The following ST6GALNAC3 variants were observed in gnomAD, a reference collection of about 807,000 sequenced individuals.
ST6GALNAC3 encodes ST6 N-acetylgalactosaminide alpha-2,6-sialyltransferase 3.
ST6GALNAC3 carries 25 observed loss-of-function variants against 32.7 expected under a neutral mutation model. The ratio of observed to expected loss-of-function variants is 0.76; its 90% confidence interval spans 0.56 to 1.07. The LOEUF (loss-of-function observed/expected upper bound fraction) is 1.07. Ranked by LOEUF, ST6GALNAC3 falls within the 50% of genes least tolerant of loss-of-function variation. The pLI, the probability that ST6GALNAC3 is intolerant of heterozygous loss-of-function variation, is 0.00. For synonymous variants in ST6GALNAC3, 129 were observed against 133.1 expected (o/e 0.97, Z 0.21); for missense variants, 355 against 382.4 (o/e 0.93, Z 0.60).
At position 76,288,034 on chromosome 1, in the gene ST6GALNAC3, G is replaced by A. The variant is rs1570700945; in HGVS notation, c.19-25771G>A. Among the ~76,000 whole-genome samples, 4 of 152,304 alleles carry A rather than the reference G, an allele frequency of 2.6e-5. No homozygotes were observed. In the South Asian group the frequency reaches 8.3e-4, roughly 32 times the overall value. ...CTACAATTCACTGCCCAACTGAGAAGTAGCATGGGAGATCACCTCTCCCAC... is the reference window on the plus strand; with the variant it reads ...CTACAATTCACTGCCCAACTGAGAAATAGCATGGGAGATCACCTCTCCCAC... On this transcript the variant is annotated intron_variant, in intron 1 of 4. Coordinates refer to ENST00000328299, the MANE Select transcript of ST6GALNAC3 (RefSeq NM_152996.4).
chr1:76,149,717 A>G (rs1437790868), intron 1 of ST6GALNAC3, among the ~76,000 whole-genome samples: 1 of 151,472 alleles, frequency 6.6e-6, no homozygotes, highest in Non-Finnish European at 1.5e-5. Flanking sequence ...ATATTTCTGT[A>G]TTCATTCATT....
At chr1:76,229,733 G>C (rs1407587199) in intron 1 of ST6GALNAC3, among the ~76,000 whole-genome samples, 1 of 152,140 alleles carries the variant, frequency 6.6e-6, no homozygotes, top group Non-Finnish European at 1.5e-5. Context: ...TGGGGTGGGG[G>C]CTGTGGCTGA....
intron 1 of ST6GALNAC3, among the ~76,000 whole-genome samples, chr1:76,311,343 C>T (rs1199475704): frequency 6.7e-6 from 1 of 149,280 alleles, no homozygotes; most frequent in Non-Finnish European, 1.5e-5. Context: ...AGGTTTGTTA[C>T]ATAGGTATAC....
intron 3 of ST6GALNAC3, among the ~76,000 whole-genome samples, chr1:76,522,937 T>C (rs1043490899): frequency 3.3e-5 from 5 of 152,194 alleles, no homozygotes; most frequent in Non-Finnish European, 7.3e-5. Flanking sequence ...GCCAAAGGTG[T>C]GCCAACTGTA....
At chr1:76,565,335 G>C (rs954511912) in intron 3 of ST6GALNAC3, among the ~76,000 whole-genome samples, 1 of 152,122 alleles carries the variant, frequency 6.6e-6, no homozygotes. Flanking sequence ...ATGTTACTTT[G>C]GTGGAGCTAC....
intron 1 of ST6GALNAC3, among the ~76,000 whole-genome samples, chr1:76,246,976 G>A (rs1657297171): frequency 6.6e-6 from 1 of 152,134 alleles, no homozygotes; most frequent in Non-Finnish European, 1.5e-5. Context: ...ATGACCTTTG[G>A]ATGGGGTTTT....
chr1:76,227,970 A>G lies in ST6GALNAC3; in HGVS notation c.19-85835A>G, dbSNP rs138442110. On this transcript the variant is annotated intron_variant, in intron 1 of 4. Transcript: ENST00000328299. ...GGGAAAAAAAAGTCTAAAACCTGCA[A>G]GTACTCATTTGTGGAACATTTAATT... is the stretch of plus-strand genomic sequence containing the variant. 6.6e-3 allele frequency among the ~76,000 whole-genome samples: 1,007 copies of G among 152,300 alleles called. 18 individuals are homozygous for G. Among genetic ancestry groups the G allele is most frequent in the African/African-American group, 0.023 (954 of 41,558 alleles).
intron 3 of ST6GALNAC3, among the ~76,000 whole-genome samples, chr1:76,597,905 T>C (rs1647163248): frequency 6.6e-6 from 1 of 152,138 alleles, no homozygotes; most frequent in South Asian, 2.1e-4. Context: ...ATTTCAGTCA[T>C]CCAGGCCGAG....
intron 2 of ST6GALNAC3, among the ~76,000 whole-genome samples, chr1:76,338,041 G>A (rs1032717523): frequency 6.6e-6 from 1 of 152,138 alleles, no homozygotes; most frequent in African/African-American, 2.4e-5. Flanking sequence ...TAGTTAGAAA[G>A]CCAACAGCTG....
chr1:76,423,588 T>C (rs2101391625), intron 3 of ST6GALNAC3, among the ~76,000 whole-genome samples: 1 of 152,096 alleles, frequency 6.6e-6, no homozygotes, highest in South Asian at 2.1e-4. Context: ...ATTTAGAATG[T>C]GGAAAACAGT....
chr1:76,436,499 A>AT (rs1050473685), intron 3 of ST6GALNAC3, among the ~76,000 whole-genome samples: 1 of 152,034 alleles, frequency 6.6e-6, no homozygotes, highest in Non-Finnish European at 1.5e-5. Context: ...CAACATTTTT[A>AT]TTTTTTACCT....
At chr1:76,578,586 G>T (rs906419655) in intron 3 of ST6GALNAC3, among the ~76,000 whole-genome samples, 1 of 152,002 alleles carries the variant, frequency 6.6e-6, no homozygotes, top group Non-Finnish European at 1.5e-5. Flanking sequence ...ACTGGGAGCT[G>T]CTCTAAAATA....
intron 2 of ST6GALNAC3, among the ~76,000 whole-genome samples, chr1:76,350,266 A>G (rs1202424390): frequency 6.6e-6 from 1 of 152,116 alleles, no homozygotes; most frequent in Non-Finnish European, 1.5e-5. Flanking sequence ...GGCTTGAGTG[A>G]TCTTTCCTTC....
At chr1:76,218,565 A>G (rs1439111352) in intron 1 of ST6GALNAC3, among the ~76,000 whole-genome samples, 2 of 152,200 alleles carry the variant, frequency 1.3e-5, no homozygotes, top group Admixed American at 1.3e-4. Context: ...GCTGTTCACC[A>G]TTTTCTAAAG....
chr1:76,324,551 G>A (rs186832778), intron 2 of ST6GALNAC3, among the ~76,000 whole-genome samples: 5 of 152,182 alleles, frequency 3.3e-5, no homozygotes, highest in Admixed American at 6.5e-5. Flanking sequence ...TAAATATTGG[G>A]GGCCGTTCTA....
At chr1:76,554,512 G>A (rs1287645884) in intron 3 of ST6GALNAC3, among the ~76,000 whole-genome samples, 1 of 69,724 alleles carries the variant, frequency 1.4e-5, no homozygotes, top group African/African-American at 3.4e-5. Flanking sequence ...CTGGGACAGA[G>A]GCTCTTCTTT....
intron 3 of ST6GALNAC3, among the ~76,000 whole-genome samples, chr1:76,614,649 A>G (rs1039070482): frequency 5.0e-5 from 7 of 138,720 alleles, no homozygotes; most frequent in Non-Finnish European, 7.5e-5. Flanking sequence ...AACTTGGGAG[A>G]CGGAGCTTGC....
At chr1:76,418,371 G>A (rs886701779) in intron 3 of ST6GALNAC3, among the ~76,000 whole-genome samples, 5 of 152,118 alleles carry the variant, frequency 3.3e-5, no homozygotes, top group African/African-American at 1.2e-4. Flanking sequence ...CACACACAGT[G>A]TAGCTTGAAG....
At chr1:76,385,136 A>C (rs1651995420) in intron 2 of ST6GALNAC3, among the ~76,000 whole-genome samples, 1 of 152,130 alleles carries the variant, frequency 6.6e-6, no homozygotes, top group African/African-American at 2.4e-5. Flanking sequence ...AAAAAAACCC[A>C]AAAATATCGC....
Sources: gnomAD v4.1 joint callset for allele counts (sites outside exome capture counted in the v4.1 genomes callset) on GRCh38, gnomAD v4.1.1 for gene constraint, MANE v1.5 for transcripts, NCBI Gene and HGNC (gene_info 2026-07-23, HGNC 2026-07-21) for gene names.